Variants in PEMT observed in about 807,000 individuals in gnomAD.
PEMT encodes the protein phospholipid methyltransferase.
In PEMT, 23 loss-of-function variants were observed where a neutral mutation model predicts 27.4. That is an observed-to-expected ratio of 0.84 (90% confidence interval 0.60 to 1.19). The LOEUF (loss-of-function observed/expected upper bound fraction) is 1.19, where lower values mean the gene tolerates loss of function less well. Ranked by LOEUF, PEMT falls within the 50% of genes most tolerant of loss-of-function variation. The pLI, the probability that PEMT is intolerant of heterozygous loss-of-function variation, is 0.00. For synonymous variants in PEMT, 137 were observed against 139.1 expected, an observed-to-expected ratio of 0.98 and a Z score of 0.11; for missense variants, 307 against 310.1, an observed-to-expected ratio of 0.99 and a Z score of 0.07.
intron 2 of PEMT, among the ~76,000 whole-genome samples, chr17:17,537,535 C>T (rs1336699409): frequency 1.3e-5 from 2 of 152,246 alleles, no homozygotes; most frequent in Admixed American, 1.3e-4. Context: ...CATGCTGGCC[C>T]AGGCCTCAGG....
intron 4 of PEMT, among the ~76,000 whole-genome samples, chr17:17,510,747 T>A (rs958069353): frequency 2.0e-5 from 3 of 152,160 alleles, no homozygotes; most frequent in Non-Finnish European, 2.9e-5. Flanking sequence ...CTTCCCTCCC[T>A]CTGACTGTCC....
intron 1 of PEMT, among the ~76,000 whole-genome samples, chr17:17,586,065 A>G (rs1912228873): frequency 6.7e-6 from 1 of 149,556 alleles, no homozygotes; most frequent in South Asian, 2.1e-4. Context: ...CCTGGGCGAC[A>G]GAGCGAGACT....
chr17:17,521,019 G>A (rs1109859), intron 3 of PEMT, among the ~76,000 whole-genome samples: 125,622 of 152,296 alleles, frequency 0.82, 52,784 homozygotes, highest in African/African-American at 0.96. Flanking sequence ...TGGAGCATTC[G>A]CAGGCCCCTT....
chr17:17,536,557 A>C (rs1908488070), intron 2 of PEMT, among the ~76,000 whole-genome samples: 2 of 152,144 alleles, frequency 1.3e-5, no homozygotes, highest in African/African-American at 4.8e-5. Flanking sequence ...TACCTCTATC[A>C]AGAACTCAGC....
Position 17,512,770 on chromosome 17 carries a change from C to A in PEMT, c.321-116G>T, listed in dbSNP as rs912807396. Reference sequence around the variant, plus strand: ...CCAGGGACCCTTAGAGAGTAGCCAGCCCAGGGCTGCCAGGCCAGGCAGGCA... The same window carrying A: ...CCAGGGACCCTTAGAGAGTAGCCAGACCAGGGCTGCCAGGCCAGGCAGGCA... On this transcript the variant is annotated intron_variant, in intron 3 of 6. Coordinates refer to ENST00000255389, the MANE Select transcript of PEMT (RefSeq NM_148172.3). This position sits in a 1 kb window ranked among gnomAD's most constrained non-coding sequence, Gnocchi z 6.3. The A allele has an allele frequency of 3.8e-5, 39 of 1,013,732 alleles. No individual in the cohort carries two copies. The highest frequency in any genetic ancestry group is 5.1e-5 in the Non-Finnish European group (39 of 768,340). 62.8% of individuals were successfully genotyped at this position (1,013,732 alleles called of 1,614,324 possible). A position where few individuals can be genotyped will look rare whatever the true frequency, so the allele number is the denominator to read the frequency against.
intron 2 of PEMT, among the ~76,000 whole-genome samples, chr17:17,541,887 T>C (rs907908195): frequency 9.2e-5 from 14 of 152,260 alleles, no homozygotes; most frequent in Non-Finnish European, 1.6e-4. Context: ...CACAGACATG[T>C]GAGCCCAACA....
chr17:17,584,785 GAACAGAGTGCTGATGAGA>G (rs1387829771), intron 1 of PEMT, among the ~76,000 whole-genome samples: 3 of 152,270 alleles, frequency 2.0e-5, no homozygotes, highest in Non-Finnish European at 4.4e-5. Flanking sequence ...GCAGGAGGCA[GAACAGAGTGCTGATGAGA>G]CAAGGACGCC....
intron 2 of PEMT, among the ~76,000 whole-genome samples, chr17:17,534,341 CAT>C (rs1200270738): frequency 2.0e-5 from 3 of 152,200 alleles, no homozygotes; most frequent in African/African-American, 2.4e-5. Context: ...GCCAGACAAA[CAT>C]AGAGTATACT....
chr17:17,537,706 G>A (rs903882138), intron 2 of PEMT, among the ~76,000 whole-genome samples: 3 of 152,228 alleles, frequency 2.0e-5, no homozygotes, highest in Non-Finnish European at 4.4e-5. Context: ...CTTTGCTCCT[G>A]GAAGCTCTGG....
At chr17:17,533,408 C>T (rs542204325) in intron 2 of PEMT, among the ~76,000 whole-genome samples, 1 of 152,326 alleles carries the variant, frequency 6.6e-6, no homozygotes, top group African/African-American at 2.4e-5. Flanking sequence ...TATAAATCTT[C>T]ATGACCCTGG....
At chr17:17,586,208 AAGAAAGAAAAAGAAAGAAAG>A (rs1240164501) in intron 1 of PEMT, among the ~76,000 whole-genome samples, 17 of 141,626 alleles carry the variant, frequency 1.2e-4, no homozygotes, top group African/African-American at 3.2e-4. Context: ...GAAAGAAAGA[AAGAAAGAAAAAGAAAGAAAG>A]AAAGAAAGAA....
intron 2 of PEMT, among the ~76,000 whole-genome samples, chr17:17,527,673 T>C (rs573622441): frequency 6.6e-6 from 1 of 152,342 alleles, no homozygotes; most frequent in South Asian, 2.1e-4. Context: ...CTGCTGTTTG[T>C]TTTGTTTTGG....
intron 2 of PEMT, among the ~76,000 whole-genome samples, chr17:17,569,935 C>A (rs936209318): frequency 6.6e-6 from 1 of 152,150 alleles, no homozygotes; most frequent in African/African-American, 2.4e-5. Flanking sequence ...TGCCAGGAAT[C>A]GCTGAGCCTG....
intron 2 of PEMT, among the ~76,000 whole-genome samples, chr17:17,552,154 A>G (rs1044230457): frequency 2.0e-5 from 3 of 152,162 alleles, no homozygotes; most frequent in African/African-American, 7.2e-5. Context: ...TCTACAAAAA[A>G]TACAAAAATT....
chr17:17,539,384 C>T (rs1908718088), intron 2 of PEMT, among the ~76,000 whole-genome samples: 1 of 152,188 alleles, frequency 6.6e-6, no homozygotes, highest in Admixed American at 6.5e-5. Context: ...CCCTGTCCCA[C>T]CCCAGACACT....
Position 17,568,648 on chromosome 17 carries a change from G to A in PEMT, c.204+8272C>T, listed in dbSNP as rs570973282. On this transcript the variant is annotated intron_variant, in intron 2 of 6. Coordinates refer to ENST00000255389, the MANE Select transcript of PEMT (RefSeq NM_148172.3). ...TAGCACCTACAAGGTCGGCTTTCCC[G>A]GCACCTGGAGGGATCCCTTGGGGCA... 1.6e-4 allele frequency among the ~76,000 whole-genome samples: 24 copies of A among 152,290 alleles called. No individual in the cohort carries two copies. The East Asian group carries it at 4.4e-3, about 28-fold the overall frequency.
At chr17:17,553,538 T>C (rs1909819771) in intron 2 of PEMT, among the ~76,000 whole-genome samples, 1 of 152,092 alleles carries the variant, frequency 6.6e-6, no homozygotes, top group South Asian at 2.1e-4. Flanking sequence ...AGCCCCTCAC[T>C]CTGGATCCCC....
chr17:17,591,417 G>A (rs537628841), intron 1 of PEMT, 114 bp downstream of exon 1: 1 of 721,972 alleles, frequency 1.4e-6, no homozygotes, highest in East Asian at 3.5e-5. Context: ...CGCCCCCATT[G>A]CCTGGGAACT....
chr17:17,537,462 T>TAGCCC (rs770846853), intron 2 of PEMT, among the ~76,000 whole-genome samples: 14 of 152,200 alleles, frequency 9.2e-5, no homozygotes, highest in Non-Finnish European at 1.3e-4. Flanking sequence ...CCCCCAAGCC[T>TAGCCC]AGCCCAGCCC....
Sources: gnomAD v4.1 joint callset for allele counts (sites outside exome capture counted in the v4.1 genomes callset) on GRCh38, gnomAD v4.1.1 for gene constraint, Gnocchi (gnomAD v3.1) non-coding constraint, MANE v1.5 for transcripts, NCBI Gene and HGNC (gene_info 2026-07-23, HGNC 2026-07-21) for gene names.